The following FAM90A1 variants were observed in gnomAD, a reference collection of about 807,000 sequenced individuals.
FAM90A1 encodes protein FAM90A1.
FAM90A1 carries 10 observed loss-of-function variants against 14.8 expected under a neutral mutation model. The ratio of observed to expected loss-of-function variants is 0.67; its 90% CI spans 0.42 to 1.14. The LOEUF (loss-of-function observed/expected upper bound fraction) is 1.14, where lower values mean the gene tolerates loss of function less well. Among genes scored for constraint, FAM90A1 ranks in the 50% most tolerant of loss-of-function variants. The probability of loss-of-function intolerance (pLI) is 0.00; values close to 1 mark genes in which losing one functional copy is unlikely to be tolerated. For synonymous variants in FAM90A1, 236 were observed against 248.4 expected (o/e 0.95, Z 0.47); for missense variants, 567 against 602.8 (o/e 0.94, Z 0.62).
chr12:8,223,655 A>G (rs1948880179), intron 5 of FAM90A1, 98 bp from the exon 6 acceptor site: 2 of 778,750 alleles, frequency 2.6e-6, no homozygotes. Flanking sequence ...GTTTTGTGAT[A>G]CAGAAATGGA....
chr12:8,223,808 G>A (rs140525451), intron 5 of FAM90A1, among the ~76,000 whole-genome samples: 2,953 of 152,140 alleles, frequency 0.019, 101 homozygotes, highest in African/African-American at 0.068. Flanking sequence ...TGCACGAAGC[G>A]CCCCCGCCCC....
Position 8,222,131 on chromosome 12 carries a change from C to G in FAM90A1, c.1086G>C (p.Gln362His). ...GCAGGCAAGGTCTGCTGTGCGGAGGCTGCCGGTCGCCGCTAAGCACCTGGG... is the reference window on the plus strand; with the variant it reads ...GCAGGCAAGGTCTGCTGTGCGGAGGGTGCCGGTCGCCGCTAAGCACCTGGG... ...TPAQVLSGDR[Q>H]PPHSRPCLPT... Residue 362 changes from glutamine (Q) to histidine (H), a missense_variant, in exon 7 of 7, where the codon CAG becomes CAC. Gln to His is a conservative substitution (Grantham distance 24). Transcript: ENST00000538603. 1 of 1,612,068 alleles carries G rather than the reference C, an allele frequency of 6.2e-7. No individual in the cohort carries two copies. The highest frequency in any genetic ancestry group is 8.5e-7 in the Non-Finnish European group (1 of 1,180,028).
chr12:8,222,737 A>G lies in FAM90A1; in HGVS notation c.480T>C (p.Arg160=), dbSNP rs1399896852. The G allele has an allele frequency of 8.7e-6, 14 of 1,603,852 alleles. No individual in the cohort carries two copies. Among genetic ancestry groups the G allele is most frequent in the Admixed American group, 1.7e-5 (1 of 59,994 alleles). Residue 160 remains arginine, a synonymous_variant, in exon 7 of 7, where the codon CGT becomes CGC. Transcript: ENST00000538603. ...AGCGATCAGAGAGGACAGGGTCCAC[A>G]CGCGGCCTCTTACTGGTTGTGTGGA... is the stretch of plus-strand genomic sequence containing the variant. The part of the protein sequence containing the change: ...MPVHTTSKRP[R]VDPVLSDRSA...
chr12:8,224,802 C>T lies in FAM90A1; in HGVS notation c.31G>A (p.Ala11Thr), dbSNP rs773603478. Residue 11 changes from alanine to threonine, a missense_variant, in exon 4 of 7, where the codon GCA becomes ACA. Physicochemically the swap from Ala to Thr is moderately conservative, Grantham distance 58 (BLOSUM62 0). Transcript: ENST00000538603. The part of the protein sequence containing the change: MMARRDPKPG[A>T]KRLVRAQTLQ... The stretch of plus-strand genomic sequence containing the variant: ...GTCTGGGCTCTCACCAGTCTCTTTG[C>T]CCCAGGTTTGGGGTCACGACGTGCC... 8 of 1,608,962 alleles carry T rather than the reference C, an allele frequency of 5.0e-6. No homozygotes were observed. The highest frequency in any genetic ancestry group is 6.8e-6 in the Non-Finnish European group (8 of 1,179,802).
intron 3 of FAM90A1, among the ~76,000 whole-genome samples, chr12:8,225,154 A>C (rs1168645265): frequency 6.6e-6 from 1 of 152,236 alleles, no homozygotes; most frequent in African/African-American, 2.4e-5. Context: ...ACCCCAAACT[A>C]ACAACTGATT....
At position 8,222,416 on chromosome 12, in the gene FAM90A1, T is replaced by C. The variant is rs778498875; in HGVS notation, c.801A>G (p.Ser267=). ...GTGTGGCGGCTGGTGGGCAGGGCTG[T>C]GAGGTCACCGCAGGACGTTTGTCTT... is the stretch of plus-strand genomic sequence containing the variant. ...QAQDKRPAVT[S]QPCPPAATHS... is the part of the protein sequence containing the mutation. Residue 267 remains serine (S), a synonymous_variant, in exon 7 of 7, where the codon TCA becomes TCG. Transcript: ENST00000538603. The C allele has an allele frequency of 6.2e-7, 1 of 1,611,140 alleles. No individual in the cohort carries two copies. Among genetic ancestry groups the C allele is most frequent in the South Asian group, 1.1e-5 (1 of 90,940 alleles).
chr12:8,227,078 T>C (rs1193019153), intron 1 of FAM90A1, among the ~76,000 whole-genome samples: 3 of 152,210 alleles, frequency 2.0e-5, no homozygotes, highest in African/African-American at 7.2e-5. Context: ...GCTGGAATTA[T>C]TGATATGAGC....
At chr12:8,223,967 C>T (rs760364335) in intron 5 of FAM90A1, 49 bp downstream of exon 5, 2 of 1,557,336 alleles carry the variant, frequency 1.3e-6, no homozygotes, top group Non-Finnish European at 1.8e-6. Flanking sequence ...ACACCATGTC[C>T]TTAGGAGGCA....
chr12:8,224,395 T>C (rs1214658678), intron 4 of FAM90A1, among the ~76,000 whole-genome samples, 180 bp from the exon 5 acceptor site: 6 of 152,336 alleles, frequency 3.9e-5, no homozygotes, highest in African/African-American at 1.4e-4. Context: ...CCAAAGCCCA[T>C]GTGACGGAGG....
At position 8,227,595 on chromosome 12, in the gene FAM90A1, C is replaced by T. The variant is rs752525904; in HGVS notation, c.-536G>A. ...GGCTCCTGGGTTGCTTCTGGAAGGG[C>T]CCGGATGGGGCCTGACTGGAGCTGC... On this transcript the variant is annotated 5_prime_UTR_variant, in exon 1 of 7. Coordinates refer to ENST00000538603, the MANE Select transcript of FAM90A1 (RefSeq NM_018088.3). 7.2e-4 allele frequency: 1,102 copies of T among 1,526,410 alleles called. 8 individuals carry two copies. In the South Asian group the frequency reaches 0.012, roughly 17 times the overall value. The allele number at this position is 1,526,410 out of a possible 1,614,324, so 94.6% of individuals were successfully genotyped here. A position where few individuals can be genotyped will look rare whatever the true frequency, so the allele number is the denominator to read the frequency against.
chr12:8,223,983 C>G (rs774515531), intron 5 of FAM90A1, 33 bp downstream of exon 5: 1 of 1,595,678 alleles, frequency 6.3e-7, no homozygotes, highest in South Asian at 1.1e-5. Context: ...AGGCAGTACC[C>G]TAAGAGTGGT....
rs994860294 is a variant in FAM90A1, at chr12:8,221,326, G to C, written c.*496C>G. The C allele has an allele frequency of 2.0e-5, 4 of 203,658 alleles. No individual in the cohort carries two copies. Among genetic ancestry groups the C allele is most frequent in the Non-Finnish European group, 3.0e-5 (3 of 100,302 alleles). The allele number at this position is 203,658 out of a possible 1,614,324, so 12.6% of individuals were successfully genotyped here. Reference sequence around the variant, plus strand: ...CACACCTATTTACAAAGGGATTCCAGAGCCCACTTTTCGAGGCTGAGGAAA... The same window carrying C: ...CACACCTATTTACAAAGGGATTCCACAGCCCACTTTTCGAGGCTGAGGAAA... On this transcript the variant is annotated 3_prime_UTR_variant, in exon 7 of 7. Transcript: ENST00000538603.
At position 8,222,798 on chromosome 12, in the gene FAM90A1, A is replaced by G; in HGVS notation, c.433-14T>C. On this transcript the variant is annotated splice_polypyrimidine_tract_variant and intron_variant, in intron 6 of 6. Coordinates refer to ENST00000538603, the MANE Select transcript of FAM90A1 (RefSeq NM_018088.3). ...CCCGCTTGCAACCTGAAAGAGAGGAAACAACACAGGTTAGAAGTTCCTCAG... is the reference window on the plus strand; with the variant it reads ...CCCGCTTGCAACCTGAAAGAGAGGAGACAACACAGGTTAGAAGTTCCTCAG... 1 of 1,583,660 alleles carries G rather than the reference A, an allele frequency of 6.3e-7. No homozygotes were observed. The highest frequency in any genetic ancestry group is 2.3e-5 in the East Asian group (1 of 44,130).
chr12:8,224,917 G>A (rs111512714), intron 3 of FAM90A1, 29 bp from the exon 4 acceptor site: 5 of 1,473,634 alleles, frequency 3.4e-6, no homozygotes, highest in Non-Finnish European at 2.8e-6. Flanking sequence ...CACACAAGTC[G>A]ATGGTTAAGC....
rs185085143 is a variant in FAM90A1 at position 8,226,287 on chromosome 12, T to C, written c.-229A>G. On this transcript the variant is annotated 5_prime_UTR_variant, in exon 2 of 7. In the 5' UTR this introduces an upstream ATG that the reference lacks. Transcript: ENST00000538603. Reference sequence around the variant, plus strand: ...AAATAGACACCTTTTAATTGGACCATATTTACTCTATCTCGACGTAGGCCT... The same window carrying C: ...AAATAGACACCTTTTAATTGGACCACATTTACTCTATCTCGACGTAGGCCT... The C allele has an allele frequency of 1.3e-5, 2 of 152,360 alleles. No individual in the cohort carries two copies. The highest frequency in any genetic ancestry group is 2.9e-5 in the Non-Finnish European group (2 of 68,044). 9.4% of individuals were successfully genotyped at this position (152,360 alleles called of 1,614,324 possible).
chr12:8,222,351 C>T lies in FAM90A1; in HGVS notation c.866G>A (p.Gly289Glu), dbSNP rs763211517. The stretch of plus-strand genomic sequence containing the variant: ...CGGAGCCGGGGCAGATCTCTTGGCT[C>T]CTGGCCCGAAGCTGAGATTGGAGCC... ...GLGSNLSFGP[G>E]AKRSAPAPIQ... Residue 289 changes from glycine to glutamate, a missense_variant, in exon 7 of 7, where the codon GGA becomes GAA. Coordinates refer to ENST00000538603, the MANE Select transcript of FAM90A1 (RefSeq NM_018088.3). 15 of 1,611,732 alleles carry T rather than the reference C, an allele frequency of 9.3e-6. No individual in the cohort carries two copies. The African/African-American group carries it at 1.7e-4, about 19-fold the overall frequency.
chr12:8,223,550 C>G lies in FAM90A1; in HGVS notation c.331G>C (p.Asp111His). ...GEKEERPRPQ[D>H]PQRKALLHIF... Reference sequence around the variant, plus strand: ...TGGAGGAGAGCCTTCCTCTGCGGGTCTTGTGGCCTGCAGAACAGAAAAAGG... The same window carrying G: ...TGGAGGAGAGCCTTCCTCTGCGGGTGTTGTGGCCTGCAGAACAGAAAAAGG... Residue 111 changes from aspartate to histidine, a missense_variant, in exon 6 of 7, where the codon GAC (aspartate) becomes CAC (histidine). Transcript: ENST00000538603. 6.4e-7 allele frequency: 1 copy of G among 1,555,948 alleles called. No homozygotes were observed. Among genetic ancestry groups the G allele is most frequent in the Non-Finnish European group, 8.9e-7 (1 of 1,127,984 alleles).
At chr12:8,226,040 A>G (rs767985018) in intron 2 of FAM90A1, 48 bp from the exon 3 acceptor site, 22 of 152,140 alleles carry the variant, frequency 1.4e-4, no homozygotes, top group African/African-American at 3.9e-4. Context: ...TAGGTTAATT[A>G]CAATTAACTT....
At chr12:8,225,556 G>C (rs758510861) in intron 3 of FAM90A1, among the ~76,000 whole-genome samples, 3 of 151,966 alleles carry the variant, frequency 2.0e-5, no homozygotes, top group African/African-American at 7.3e-5. Context: ...TTACACGGCT[G>C]AAGGGCAAAC....
Sources: gnomAD v4.1 joint callset for allele counts (sites outside exome capture counted in the v4.1 genomes callset) on GRCh38, gnomAD v4.1.1 for gene constraint, MANE v1.5 for transcripts, NCBI Gene and HGNC (gene_info 2026-07-23, HGNC 2026-07-21) for gene names.